Variants in CNTN5 observed in about 807,000 individuals in gnomAD.
CNTN5 encodes contactin-5.
In CNTN5, 77 loss-of-function variants were observed where a neutral mutation model predicts 129.1. The ratio of observed to expected loss-of-function variants is 0.60; its 90% CI spans 0.50 to 0.72. The LOEUF is 0.72. CNTN5 is among the 30% of genes least tolerant of loss of function. The probability of loss-of-function intolerance (pLI) is 0.00; values close to 1 mark genes in which losing one functional copy is unlikely to be tolerated. For synonymous variants in CNTN5, 509 were observed against 465.6 expected (o/e 1.09, Z -1.20); for missense variants, 1,478 against 1,328.8 (o/e 1.11, Z -1.75).
intron 13 of CNTN5, among the ~76,000 whole-genome samples, chr11:100,124,530 G>A (rs900415145): frequency 6.6e-6 from 1 of 151,916 alleles, no homozygotes; most frequent in Admixed American, 6.6e-5. Flanking sequence ...TTTTTAAAGA[G>A]ATACATGACA....
intron 1 of CNTN5, among the ~76,000 whole-genome samples, chr11:99,299,142 A>G (rs1864515288): frequency 6.6e-6 from 1 of 152,234 alleles, no homozygotes; most frequent in Non-Finnish European, 1.5e-5. Flanking sequence ...CCAAAAAATA[A>G]AGGAAAATAT....
At chr11:99,923,467 TATAG>T (rs1422890331) in intron 7 of CNTN5, among the ~76,000 whole-genome samples, 2 of 152,208 alleles carry the variant, frequency 1.3e-5, no homozygotes, top group East Asian at 3.9e-4. Context: ...AGCTATCATT[TATAG>T]ATACTTTCTA....
intron 2 of CNTN5, among the ~76,000 whole-genome samples, chr11:99,351,884 G>A (rs1938322383): frequency 6.6e-6 from 1 of 152,184 alleles, no homozygotes; most frequent in Admixed American, 6.5e-5. Flanking sequence ...AAAACACAGA[G>A]TTAAATACCC....
chr11:99,585,847 A>G (rs992994378), intron 3 of CNTN5, among the ~76,000 whole-genome samples: 24 of 152,154 alleles, frequency 1.6e-4, no homozygotes, highest in Non-Finnish European at 2.1e-4. Flanking sequence ...ATTGCAAACC[A>G]CTGATATATC....
chr11:100,229,124 C>A (rs921241220), intron 16 of CNTN5, among the ~76,000 whole-genome samples: 5 of 152,162 alleles, frequency 3.3e-5, no homozygotes, highest in Middle Eastern at 3.4e-3. Flanking sequence ...GGGGGCAAAT[C>A]ACAACAAAGT....
At chr11:100,166,941 T>C (rs1040700720) in intron 13 of CNTN5, among the ~76,000 whole-genome samples, 43 of 151,774 alleles carry the variant, frequency 2.8e-4, no homozygotes, top group African/African-American at 1.0e-3. Flanking sequence ...GTGAAAGAAA[T>C]TGCCTGTAAG....
intron 7 of CNTN5, among the ~76,000 whole-genome samples, chr11:99,922,039 C>T (rs906158218): frequency 6.6e-6 from 1 of 152,076 alleles, no homozygotes; most frequent in Non-Finnish European, 1.5e-5. Flanking sequence ...AGTCCATTTT[C>T]GTATTGCTGT....
rs138168383 is a variant in CNTN5 at position 99,757,407 on chromosome 11, G to C, written c.56-62137G>C. ...GTGTAGCTCTGTTTCTATATTTTCT[G>C]TCCTTATAAGGACCCATACTATAAG... On this transcript the variant is annotated intron_variant, in intron 3 of 24. Transcript: ENST00000524871. 1.0e-3 allele frequency among the ~76,000 whole-genome samples: 153 copies of C among 151,258 alleles called. 1 individual carries two copies. Among genetic ancestry groups the C allele is most frequent in the African/African-American group, 3.4e-3 (140 of 41,226 alleles).
chr11:99,792,565 G>GTCTGTC (rs759493141), intron 3 of CNTN5, among the ~76,000 whole-genome samples: 1 of 124,922 alleles, frequency 8.0e-6, no homozygotes, highest in East Asian at 2.4e-4. Context: ...GTGTGTGTGT[G>GTCTGTC]TGTGTGTGTG....
chr11:99,646,441 A>G (rs554936585), intron 3 of CNTN5, among the ~76,000 whole-genome samples: 3 of 152,234 alleles, frequency 2.0e-5, no homozygotes, highest in South Asian at 2.1e-4. Flanking sequence ...TTTTTCTACA[A>G]TCTATCAGAA....
At chr11:99,648,115 G>A (rs76970535) in intron 3 of CNTN5, among the ~76,000 whole-genome samples, 6,379 of 151,880 alleles carry the variant, frequency 0.042, 183 homozygotes, top group South Asian at 0.094. Context: ...CTAACTTGTC[G>A]AGTGATTTTA....
intron 1 of CNTN5, among the ~76,000 whole-genome samples, chr11:99,133,021 G>A (rs1316882061): frequency 1.3e-5 from 2 of 152,260 alleles, no homozygotes; most frequent in African/African-American, 4.8e-5. Context: ...CAAGGCTGCA[G>A]TAACCAGAAC....
At chr11:100,142,996 A>G (rs1430950967) in intron 13 of CNTN5, among the ~76,000 whole-genome samples, 2 of 152,164 alleles carry the variant, frequency 1.3e-5, no homozygotes, top group Non-Finnish European at 2.9e-5. Flanking sequence ...GGCTATGTGT[A>G]CATGTATGAA....
Position 100,271,177 on chromosome 11 carries a change from C to A in CNTN5, c.2250C>A (p.Ala750=), listed in dbSNP as rs1950401480. The A allele has an allele frequency of 1.2e-6, 2 of 1,613,096 alleles. No homozygotes were observed. Among genetic ancestry groups the A allele is most frequent in the Admixed American group, 1.7e-5 (1 of 59,784 alleles). ...PWVEYEFRVV[A]TNPIGTGDPS... ...TGGAATATGAATTTCGAGTGGTAGCCACCAACCCTATTGGGACAGGAGATC... is the reference window on the plus strand; with the variant it reads ...TGGAATATGAATTTCGAGTGGTAGCAACCAACCCTATTGGGACAGGAGATC... The change falls in exon 18 of 25, where the codon GCC becomes GCA. Residue 750 remains alanine, a synonymous_variant. Transcript: ENST00000524871.
intron 21 of CNTN5, among the ~76,000 whole-genome samples, chr11:100,314,627 T>C (rs1299155078): frequency 2.0e-5 from 3 of 152,150 alleles, no homozygotes; most frequent in Admixed American, 2.0e-4. Context: ...CTCTGAAATC[T>C]TTGTATTTTC....
At chr11:99,413,514 G>A (rs1942492935) in intron 2 of CNTN5, among the ~76,000 whole-genome samples, 1 of 152,108 alleles carries the variant, frequency 6.6e-6, no homozygotes, top group African/African-American at 2.4e-5. Flanking sequence ...AGCTACTTGG[G>A]AGGCTGACGC....
intron 2 of CNTN5, among the ~76,000 whole-genome samples, chr11:99,425,440 G>A (rs965142446): frequency 6.6e-6 from 1 of 152,234 alleles, no homozygotes; most frequent in Non-Finnish European, 1.5e-5. Flanking sequence ...GCAGGCCCAG[G>A]CCAAGACACC....
At chr11:99,792,821 C>T (rs1190294615) in intron 3 of CNTN5, among the ~76,000 whole-genome samples, 1 of 152,054 alleles carries the variant, frequency 6.6e-6, no homozygotes, top group East Asian at 1.9e-4. Context: ...TTGTTCTGTT[C>T]AGGGATTCAC....
At chr11:100,061,441 CTG>C (rs1943479016) in intron 10 of CNTN5, 48 bp downstream of exon 10, 1 of 1,348,574 alleles carries the variant, frequency 7.4e-7, no homozygotes, top group East Asian at 2.4e-5. Context: ...AAAAGTCAAA[CTG>C]AAAGTGGAAA....
Sources: allele counts gnomAD v4.1 joint callset (sites outside exome capture counted in the v4.1 genomes callset), GRCh38; gene constraint gnomAD v4.1.1; transcripts MANE v1.5; gene names NCBI Gene and HGNC (gene_info 2026-07-23, HGNC 2026-07-21).